The following CAMK1D variants were observed in gnomAD, a reference collection of about 807,000 sequenced individuals.
The protein encoded by CAMK1D is calcium/calmodulin-dependent protein kinase type 1D.
In CAMK1D, 9 loss-of-function variants were observed where a neutral mutation model predicts 47.7. The ratio of observed to expected loss-of-function variants is 0.19; its 90% CI spans 0.11 to 0.33. CAMK1D has a LOEUF of 0.33. CAMK1D is among the 10% of genes least tolerant of loss of function. CAMK1D has a pLI of 1.00. For synonymous variants in CAMK1D, 184 were observed against 184.9 expected (o/e 0.99, Z 0.04); for missense variants, 291 against 488.7 (o/e 0.60, Z 3.81).
intron 2 of CAMK1D, among the ~76,000 whole-genome samples, chr10:12,604,893 CT>C (rs35403180): frequency 8.5e-4 from 123 of 144,692 alleles, no homozygotes; most frequent in Admixed American, 8.3e-4. Flanking sequence ...CCTTTTTTTT[CT>C]TTTTTTTTTT....
chr10:12,520,805 T>A lies in CAMK1D; in HGVS notation c.93-32420T>A, dbSNP rs1342200892. Among the ~76,000 whole-genome samples the A allele has an allele frequency of 4.2e-5, 2 of 48,042 alleles. 1 individual carries two copies. The allele number at this position is 48,042 out of a possible 152,430, so 31.5% of individuals were successfully genotyped here. ...CCAGTCAGGCGTGGCAGCGCGCGCC[T>A]GCAATCGCAGGCACTCGGCAGGCTG... On this transcript the variant is annotated intron_variant, in intron 1 of 10. Coordinates refer to ENST00000619168, the MANE Select transcript of CAMK1D (RefSeq NM_153498.4).
intron 2 of CAMK1D, among the ~76,000 whole-genome samples, chr10:12,571,417 G>A (rs901867627): frequency 3.8e-5 from 5 of 131,606 alleles, no homozygotes; most frequent in African/African-American, 1.5e-4. Context: ...ACACTGCACT[G>A]CACTGCAGTC....
intron 2 of CAMK1D, among the ~76,000 whole-genome samples, chr10:12,634,956 C>T (rs1245579669): frequency 6.6e-6 from 1 of 152,124 alleles, no homozygotes; most frequent in African/African-American, 2.4e-5. Flanking sequence ...GTTGCTCACT[C>T]ATTCCTTCAT....
At chr10:12,528,079 A>T (rs1373779553) in intron 1 of CAMK1D, among the ~76,000 whole-genome samples, 1 of 152,248 alleles carries the variant, frequency 6.6e-6, no homozygotes, top group Non-Finnish European at 1.5e-5. Context: ...CCATTTAATC[A>T]TTGCAATAAC....
intron 2 of CAMK1D, among the ~76,000 whole-genome samples, chr10:12,558,320 G>A (rs906348620): frequency 4.6e-5 from 7 of 152,228 alleles, no homozygotes; most frequent in Non-Finnish European, 1.0e-4. Context: ...TTGGGAGGCT[G>A]CTGTGGGTGG....
At chr10:12,360,398 G>A (rs1837622984) in intron 1 of CAMK1D, among the ~76,000 whole-genome samples, 1 of 152,148 alleles carries the variant, frequency 6.6e-6, no homozygotes, top group Non-Finnish European at 1.5e-5. Context: ...TTTGTGGATG[G>A]AGAGAAGAGA....
intron 3 of CAMK1D, among the ~76,000 whole-genome samples, chr10:12,719,574 C>T (rs1834292276): frequency 6.6e-6 from 1 of 152,112 alleles, no homozygotes. Context: ...CTGGATTGAG[C>T]AATCTTCAAC....
At chr10:12,657,155 G>A (rs993827518) in intron 2 of CAMK1D, among the ~76,000 whole-genome samples, 2 of 152,224 alleles carry the variant, frequency 1.3e-5, no homozygotes, top group South Asian at 2.1e-4. Context: ...GGCCAGGCAC[G>A]GTGGCTCATG....
At chr10:12,609,309 G>A (rs1423954636) in intron 2 of CAMK1D, among the ~76,000 whole-genome samples, 1 of 152,234 alleles carries the variant, frequency 6.6e-6, no homozygotes, top group Non-Finnish European at 1.5e-5. Flanking sequence ...ACCAGGACCA[G>A]TTTTGTGGAT....
intron 3 of CAMK1D, 151 bp downstream of exon 3, chr10:12,666,961 A>G (rs566327258): frequency 6.2e-6 from 4 of 645,636 alleles, no homozygotes; most frequent in Admixed American, 5.5e-5. Flanking sequence ...CCTGTATCCA[A>G]CTAAAGACGG....
intron 3 of CAMK1D, among the ~76,000 whole-genome samples, chr10:12,729,430 G>A (rs902895893): frequency 1.3e-5 from 2 of 152,086 alleles, no homozygotes; most frequent in African/African-American, 4.8e-5. Context: ...GAGGTCGGGG[G>A]TTCAAGACCA....
At chr10:12,578,398 C>T (rs1382663475) in intron 2 of CAMK1D, among the ~76,000 whole-genome samples, 1 of 151,894 alleles carries the variant, frequency 6.6e-6, no homozygotes, top group Non-Finnish European at 1.5e-5. Context: ...TGGAGAAACC[C>T]CGTCTCTACT....
chr10:12,790,371 G>A (rs941666354), intron 5 of CAMK1D, among the ~76,000 whole-genome samples: 14 of 152,212 alleles, frequency 9.2e-5, no homozygotes, highest in African/African-American at 3.1e-4. Context: ...AGGGCCCAGG[G>A]AGGGGCTTCA....
In CAMK1D at chr10:12,470,490, T is replaced by C. The variant is rs115205072; in HGVS notation, c.93-82735T>C. Among the ~76,000 whole-genome samples the C allele has an allele frequency of 5.4e-3, 815 of 151,976 alleles. 8 individuals carry two copies. Among genetic ancestry groups the C allele is most frequent in the African/African-American group, 0.019 (789 of 41,460 alleles). On this transcript the variant is annotated intron_variant, in intron 1 of 10. Coordinates refer to ENST00000619168, the MANE Select transcript of CAMK1D (RefSeq NM_153498.4). ...TTTCACTAAAATCCCTAAAATACTG[T>C]GTATGCTTCTTCTTCTTCTTTTTCT...
At chr10:12,402,659 G>A (rs912293752) in intron 1 of CAMK1D, among the ~76,000 whole-genome samples, 13 of 152,328 alleles carry the variant, frequency 8.5e-5, no homozygotes, top group African/African-American at 3.1e-4. Context: ...TGCTCGTGGA[G>A]TCCTGGAACA....
chr10:12,389,064 A>G (rs1343988774), intron 1 of CAMK1D, among the ~76,000 whole-genome samples: 1 of 152,216 alleles, frequency 6.6e-6, no homozygotes, highest in African/African-American at 2.4e-5. Flanking sequence ...CAAGGTCTGG[A>G]GGAAGAGGCG....
intron 1 of CAMK1D, among the ~76,000 whole-genome samples, chr10:12,422,542 G>T (rs1840089755): frequency 6.6e-6 from 1 of 152,248 alleles, no homozygotes; most frequent in East Asian, 1.9e-4. Context: ...TGAACACCTG[G>T]CCAAATGCAA....
chr10:12,610,252 C>T (rs1449439846), intron 2 of CAMK1D, among the ~76,000 whole-genome samples: 1 of 152,138 alleles, frequency 6.6e-6, no homozygotes, highest in Non-Finnish European at 1.5e-5. Context: ...TGGTGATGGC[C>T]AGGTGACAAG....
intron 1 of CAMK1D, among the ~76,000 whole-genome samples, chr10:12,403,825 A>G (rs777196913): frequency 6.6e-6 from 1 of 151,868 alleles, no homozygotes; most frequent in Non-Finnish European, 1.5e-5. Context: ...TTCTTCCATA[A>G]TAGGCCTTGA....
Sources: allele counts gnomAD v4.1 joint callset (sites outside exome capture counted in the v4.1 genomes callset), GRCh38; gene constraint gnomAD v4.1.1; transcripts MANE v1.5; gene names NCBI Gene and HGNC (gene_info 2026-07-23, HGNC 2026-07-21).